Variants in COL21A1 observed in about 807,000 individuals in gnomAD.
COL21A1 encodes collagen alpha-1(XXI) chain.
COL21A1 carries 149 observed loss-of-function variants against 137.9 expected under a neutral mutation model. That is an observed-to-expected ratio of 1.08 (90% CI 0.95 to 1.24). The LOEUF (loss-of-function observed/expected upper bound fraction) is 1.24. COL21A1 is among the 50% of genes most tolerant of loss of function. The pLI is 0.00. For missense variants in COL21A1, 1,167 were observed against 1,158.4 expected, an observed-to-expected ratio of 1.01 and a Z score of -0.11; for synonymous variants, 456 against 391.5, an observed-to-expected ratio of 1.16 and a Z score of -1.95.
intron 12 of COL21A1, among the ~76,000 whole-genome samples, chr6:56,141,431 T>C (rs1774399835): frequency 6.6e-6 from 1 of 152,208 alleles, no homozygotes; most frequent in South Asian, 2.1e-4. Flanking sequence ...ATACCAATTG[T>C]GGAGATGGTC....
chr6:56,128,181 G>GT (rs1348665517), intron 12 of COL21A1, among the ~76,000 whole-genome samples: 1 of 152,146 alleles, frequency 6.6e-6, no homozygotes, highest in East Asian at 1.9e-4. Flanking sequence ...CTTGTTTTTG[G>GT]TTAAGCTCAA....
At chr6:56,133,974 TG>T (rs1773779388) in intron 12 of COL21A1, among the ~76,000 whole-genome samples, 1 of 152,190 alleles carries the variant, frequency 6.6e-6, no homozygotes, top group African/African-American at 2.4e-5. Context: ...AACCTCTGCT[TG>T]GGCAGTGAGG....
rs577502356 is a variant in COL21A1 at position 56,322,940 on chromosome 6, T to A, written c.-39+71031A>T. Among the ~76,000 whole-genome samples the A allele has an allele frequency of 2.0e-3, 297 of 148,924 alleles. 1 individual carries two copies. The highest frequency in any genetic ancestry group is 6.9e-3 in the African/African-American group (282 of 40,688). The stretch of plus-strand genomic sequence containing the variant: ...AGAATACAAGTTTTAAATTTTCAAG[T>A]TTTTTTTATTAATAAGAGCTAAGTA... On this transcript the variant is annotated intron_variant, in intron 1 of 28. Coordinates refer to the COL21A1 transcript ENST00000370819.
intron 1 of COL21A1, among the ~76,000 whole-genome samples, chr6:56,269,619 C>T (rs1350794696): frequency 7.4e-6 from 1 of 134,554 alleles, no homozygotes; most frequent in Non-Finnish European, 1.5e-5. Context: ...CCCGCCACTG[C>T]ACTCCAGCCT....
Position 56,177,729 on chromosome 6 carries a change from T to C in COL21A1, c.640+1849A>G, listed in dbSNP as rs543023906. 1.2e-4 allele frequency among the ~76,000 whole-genome samples: 17 copies of C among 142,454 alleles called. No individual in the cohort carries two copies. The South Asian group carries it at 3.5e-3, about 29-fold the overall frequency. The allele number at this position is 142,454 out of a possible 152,430, so 93.5% of individuals were successfully genotyped here. A position where few individuals can be genotyped will look rare whatever the true frequency, so the allele number is the denominator to read the frequency against. ...ATGGCATGAACCCGGGAGGCGGAGC[T>C]TGAAGTGAGCCGAGATTGCACCACT... is the stretch of plus-strand genomic sequence containing the variant. On this transcript the variant is annotated intron_variant, in intron 3 of 29. Coordinates refer to ENST00000244728, the MANE Select transcript of COL21A1 (RefSeq NM_030820.4).
At chr6:56,097,753 TTA>T (rs1390753354) in intron 17 of COL21A1, among the ~76,000 whole-genome samples, 1 of 124,522 alleles carries the variant, frequency 8.0e-6, no homozygotes. Context: ...TTTATATTTT[TTA>T]TATATATATA....
intron 3 of COL21A1, among the ~76,000 whole-genome samples, chr6:56,175,911 T>C (rs1303549877): frequency 2.6e-5 from 4 of 152,064 alleles, no homozygotes; most frequent in African/African-American, 4.8e-5. Flanking sequence ...CAAAACAGTA[T>C]GGTAAAGGCA....
intron 15 of COL21A1, 31 bp from the exon 16 acceptor site, chr6:56,124,146 T>G: frequency 6.5e-7 from 1 of 1,535,490 alleles, no homozygotes; most frequent in Non-Finnish European, 8.8e-7. Flanking sequence ...CTTTAATATA[T>G]TTTTGCACTA....
chr6:56,350,139 AT>A (rs1464875353), intron 1 of COL21A1, among the ~76,000 whole-genome samples: 1 of 152,228 alleles, frequency 6.6e-6, no homozygotes, highest in African/African-American at 2.4e-5. Context: ...AGTCAAAATT[AT>A]CAGAAGGAAT....
intron 17 of COL21A1, among the ~76,000 whole-genome samples, chr6:56,078,739 T>G (rs1299902563): frequency 6.6e-6 from 1 of 151,682 alleles, no homozygotes; most frequent in Non-Finnish European, 1.5e-5. Flanking sequence ...GGAATTCAGT[T>G]TGATTCTATT....
intron 17 of COL21A1, chr6:56,078,138 A>G: frequency 2.2e-6 from 1 of 455,998 alleles, no homozygotes; most frequent in South Asian, 1.5e-5. Context: ...GTGAAGAGAC[A>G]TAAAGAAGTA....
intron 1 of COL21A1, among the ~76,000 whole-genome samples, chr6:56,219,247 G>A (rs913522959): frequency 3.7e-5 from 5 of 136,420 alleles, no homozygotes; most frequent in African/African-American, 1.4e-4. Flanking sequence ...AAAGGTCACG[G>A]TCACTGTTTG....
chr6:56,223,037 C>G (rs1780946097), intron 1 of COL21A1, among the ~76,000 whole-genome samples: 2 of 57,828 alleles, frequency 3.5e-5, no homozygotes, highest in Admixed American at 2.8e-4. Flanking sequence ...ACATTCTATT[C>G]AGAACAAAAA....
At chr6:56,297,838 C>T (rs571050851) in intron 1 of COL21A1, among the ~76,000 whole-genome samples, 3 of 152,162 alleles carry the variant, frequency 2.0e-5, no homozygotes, top group Non-Finnish European at 2.9e-5. Flanking sequence ...AGCCACTGAA[C>T]ATTATGTTAC....
chr6:56,353,874 T>A (rs1224117531), intron 1 of COL21A1, among the ~76,000 whole-genome samples: 1 of 151,772 alleles, frequency 6.6e-6, no homozygotes, highest in Non-Finnish European at 1.5e-5. Flanking sequence ...ACAAAAAAAA[T>A]TAAAACATGA....
intron 1 of COL21A1, among the ~76,000 whole-genome samples, chr6:56,275,182 C>A (rs2894834): frequency 0.4 from 60,140 of 151,972 alleles, 13,406 homozygotes; most frequent in African/African-American, 0.59. Flanking sequence ...TGAAACTGGA[C>A]CCCTGCCTTT....
intron 1 of COL21A1, among the ~76,000 whole-genome samples, chr6:56,292,297 C>T (rs184982923): frequency 1.9e-3 from 290 of 152,078 alleles, no homozygotes; most frequent in African/African-American, 6.7e-3. Flanking sequence ...TTATTACAAA[C>T]ATCTTTTTCT....
chr6:56,215,063 C>T (rs978143015), intron 1 of COL21A1, among the ~76,000 whole-genome samples: 11 of 151,622 alleles, frequency 7.3e-5, no homozygotes, highest in Non-Finnish European at 1.3e-4. Flanking sequence ...ATGTTATATA[C>T]GTGTGGCAGG....
intron 3 of COL21A1, among the ~76,000 whole-genome samples, chr6:56,177,987 G>A (rs996979276): frequency 6.6e-6 from 1 of 152,060 alleles, no homozygotes; most frequent in Non-Finnish European, 1.5e-5. Flanking sequence ...TGTGTTTATA[G>A]ATGATACATT....
Sources: gnomAD v4.1 joint callset for allele counts (sites outside exome capture counted in the v4.1 genomes callset) on GRCh38, gnomAD v4.1.1 for gene constraint, MANE v1.5 for transcripts, NCBI Gene and HGNC (gene_info 2026-07-23, HGNC 2026-07-21) for gene names.